ORC3: variants seen among roughly 807,000 people sequenced by gnomAD.
ORC3 encodes the protein homolog of latheo, Drosophila.
ORC3 carries 78 observed loss-of-function variants against 100.7 expected under a neutral mutation model. The observed-to-expected ratio is 0.77, with a 90% CI of 0.65 to 0.94. The LOEUF is 0.94. Ranked by LOEUF, ORC3 falls within the 40% of genes least tolerant of loss-of-function variation. The pLI, the probability that ORC3 is intolerant of heterozygous loss-of-function variation, is 0.00. For synonymous variants in ORC3, 295 were observed against 289.3 expected (o/e 1.02, Z -0.20); for missense variants, 789 against 823.9 (o/e 0.96, Z 0.52).
At position 87,612,084 on chromosome 6, in the gene ORC3, A is replaced by C; in HGVS notation, c.714-5A>C. The C allele has an allele frequency of 6.2e-7, 1 of 1,606,060 alleles. No homozygotes were observed. Among genetic ancestry groups the C allele is most frequent in the Non-Finnish European group, 8.5e-7 (1 of 1,177,840 alleles). On this transcript the variant is annotated splice_polypyrimidine_tract_variant and splice_region_variant and intron_variant, in intron 7 of 19. Transcript: ENST00000392844. ...TTCACTTTTGTGTCTGTCTTTCAAA[A>C]CTAGTCAACATCTCCATGAATTTCC...
At chr6:87,642,053 TGGGAGGTCAA>T (rs1363740564) in intron 13 of ORC3, among the ~76,000 whole-genome samples, 1 of 152,142 alleles carries the variant, frequency 6.6e-6, no homozygotes, top group Non-Finnish European at 1.5e-5. Flanking sequence ...TTAGAGCACT[TGGGAGGTCAA>T]GGCAGAGAGA....
At chr6:87,655,820 A>G (rs1276843055) in intron 14 of ORC3, among the ~76,000 whole-genome samples, 1 of 152,106 alleles carries the variant, frequency 6.6e-6, no homozygotes, top group Non-Finnish European at 1.5e-5. Flanking sequence ...ATATATTTCA[A>G]AGGCATATTA....
chr6:87,607,428 C>T (rs1383728609), intron 5 of ORC3, among the ~76,000 whole-genome samples: 1 of 149,890 alleles, frequency 6.7e-6, no homozygotes, highest in Non-Finnish European at 1.5e-5. Context: ...GAGACTCCAT[C>T]TCAAAAAAAA....
intron 16 of ORC3, among the ~76,000 whole-genome samples, chr6:87,662,572 A>G: frequency 6.6e-6 from 1 of 152,230 alleles, no homozygotes; most frequent in East Asian, 1.9e-4. Flanking sequence ...ATATTGCCAA[A>G]GGTTAAATGT....
chr6:87,650,565 T>A (rs1039393629), intron 13 of ORC3, among the ~76,000 whole-genome samples: 15 of 152,152 alleles, frequency 9.9e-5, no homozygotes, highest in African/African-American at 2.9e-4. Flanking sequence ...GGAAAAAAAA[T>A]TTTAAATAAT....
rs566021159 is a variant in ORC3, at chr6:87,635,652, C to T, written c.1302+691C>T. Among the ~76,000 whole-genome samples the T allele has an allele frequency of 2.0e-5, 3 of 152,068 alleles. No individual in the cohort carries two copies. The East Asian group carries it at 5.9e-4, about 30-fold the overall frequency. ...TCTCTACTAAAAATACAAAAATTAG[C>T]CCGGCGTGGTGGCACACACCTGTAG... On this transcript the variant is annotated intron_variant, in intron 12 of 19. Coordinates refer to ENST00000392844, the MANE Select transcript of ORC3 (RefSeq NM_012381.4).
intron 11 of ORC3, among the ~76,000 whole-genome samples, chr6:87,624,275 G>A (rs921427817): frequency 2.6e-5 from 4 of 152,130 alleles, no homozygotes; most frequent in Admixed American, 2.0e-4. Context: ...CTTGAAGTCA[G>A]GAGTTCAAGA....
At position 87,603,522 on chromosome 6, in the gene ORC3, G is replaced by A. The variant is rs777934350; in HGVS notation, c.316G>A (p.Val106Ile). Reference protein sequence around the residue: ...KLREIPTAALVLGVNVTDHDL... With the variant: ...KLREIPTAALILGVNVTDHDL... ...CAGAGAAATTCCAACTGCTGCTCTT[G>A]TTCTTGGTATATATGCGTATGTTTG... The change falls in exon 4 of 20, where the codon GTT becomes ATT. Residue 106 changes from valine (V) to isoleucine (I), a missense_variant. Physicochemically the swap from Val to Ile is conservative, Grantham distance 29. Coordinates refer to ENST00000392844, the MANE Select transcript of ORC3 (RefSeq NM_012381.4). 7.3e-6 allele frequency: 11 copies of A among 1,513,446 alleles called. No homozygotes were observed. In the South Asian group the frequency reaches 9.3e-5, roughly 13 times the overall value. The allele number at this position is 1,513,446 out of a possible 1,614,324, so 93.8% of individuals were successfully genotyped here. A position where few individuals can be genotyped will look rare whatever the true frequency, so the allele number is the denominator to read the frequency against.
rs1025105183 is a variant in ORC3 at position 87,617,446 on chromosome 6, T to C, written c.987+1019T>C. Among the ~76,000 whole-genome samples the C allele has an allele frequency of 2.0e-5, 3 of 152,162 alleles. No homozygotes were observed. The South Asian group carries it at 6.2e-4, about 32-fold the overall frequency. Reference sequence around the variant, plus strand: ...CAGTTGTCTAGTTCATTAAAACCTATGTATTATGCCAGGCACGGTGGCTCA... The same window carrying C: ...CAGTTGTCTAGTTCATTAAAACCTACGTATTATGCCAGGCACGGTGGCTCA... On this transcript the variant is annotated intron_variant, in intron 9 of 19. Coordinates refer to ENST00000392844, the MANE Select transcript of ORC3 (RefSeq NM_012381.4).
chr6:87,612,519 C>T (rs893096290), intron 8 of ORC3, among the ~76,000 whole-genome samples: 1 of 152,094 alleles, frequency 6.6e-6, no homozygotes, highest in African/African-American at 2.4e-5. Flanking sequence ...TATATCTTTA[C>T]TCAATAGAAA....
chr6:87,637,601 TTGA>T (rs1172883868), intron 13 of ORC3, among the ~76,000 whole-genome samples: 2 of 152,202 alleles, frequency 1.3e-5, no homozygotes, highest in African/African-American at 4.8e-5. Context: ...ATATACCCAG[TTGA>T]TTCTTTCAGG....
At chr6:87,619,022 T>C (rs1583056216) in intron 9 of ORC3, among the ~76,000 whole-genome samples, 1 of 152,194 alleles carries the variant, frequency 6.6e-6, no homozygotes, top group African/African-American at 2.4e-5. Context: ...ATTTAGGACT[T>C]ATCCTTAAAA....
In ORC3 at chr6:87,602,954, A is replaced by ATAT. The variant is rs1554236515; in HGVS notation, c.178-430_178-429insTAT. Among the ~76,000 whole-genome samples the ATAT allele has an allele frequency of 6.1e-4, 58 of 95,272 alleles. 2 individuals are homozygous for ATAT. Among genetic ancestry groups the ATAT allele is most frequent in the African/African-American group, 2.1e-3 (51 of 23,788 alleles). The allele number at this position is 95,272 out of a possible 152,430, so 62.5% of individuals were successfully genotyped here. A position where few individuals can be genotyped will look rare whatever the true frequency, so the allele number is the denominator to read the frequency against. ...CGTTTATATATATATACACATATATAATATATATATATATATACATATATA... is the reference window on the plus strand; with the variant it reads ...CGTTTATATATATATACACATATATATATATATATATATATATATACATATATA... On this transcript the variant is annotated intron_variant, in intron 3 of 19. Transcript: ENST00000392844.
intron 12 of ORC3, among the ~76,000 whole-genome samples, chr6:87,636,140 A>G (rs547831749): frequency 3.3e-5 from 5 of 151,764 alleles, no homozygotes; most frequent in South Asian, 4.2e-4. Context: ...CACCGTGTTA[A>G]CCAGGATGGT....
At chr6:87,662,112 A>G (rs751572457) in intron 16 of ORC3, among the ~76,000 whole-genome samples, 95 of 152,078 alleles carry the variant, frequency 6.2e-4, no homozygotes, top group Admixed American at 1.4e-3. Flanking sequence ...TTCTAACGTA[A>G]TAAGTAATTC....
intron 11 of ORC3, among the ~76,000 whole-genome samples, chr6:87,632,008 CA>C (rs1196304888): frequency 6.6e-6 from 1 of 151,866 alleles, no homozygotes; most frequent in East Asian, 2.0e-4. Context: ...GCTAAAAATA[CA>C]AAAAATTAAC....
chr6:87,677,080 G>GAAA, the ORC3 span, among the ~76,000 whole-genome samples: 1 of 112,674 alleles, frequency 8.9e-6, no homozygotes, highest in African/African-American at 3.3e-5. Flanking sequence ...TCCGTCTCAG[G>GAAA]AAAAAAAAAA....
chr6:87,652,919 A>G (rs1164651836), intron 13 of ORC3, among the ~76,000 whole-genome samples, 197 bp from the exon 14 acceptor site: 1 of 152,238 alleles, frequency 6.6e-6, no homozygotes. Context: ...GCTAAACTTT[A>G]TCATGAGAAC....
At chr6:87,625,145 G>A (rs560520522) in intron 11 of ORC3, among the ~76,000 whole-genome samples, 2 of 152,170 alleles carry the variant, frequency 1.3e-5, no homozygotes, top group East Asian at 1.9e-4. Context: ...GAATAGTGCC[G>A]CAATAAACAC....
Sources: allele counts gnomAD v4.1 joint callset (sites outside exome capture counted in the v4.1 genomes callset), GRCh38; gene constraint gnomAD v4.1.1; transcripts MANE v1.5; gene names NCBI Gene and HGNC (gene_info 2026-07-23, HGNC 2026-07-21).